Variants in CDKL5 observed in about 807,000 individuals in gnomAD.
CDKL5 encodes the protein cyclin-dependent kinase-like 5.
CDKL5 carries 8 observed loss-of-function variants against 61.7 expected under a neutral mutation model. That is an observed-to-expected ratio of 0.13 (90% CI 0.08 to 0.23). CDKL5 has a LOEUF of 0.23. Ranked by LOEUF, CDKL5 falls within the 10% of genes least tolerant of loss-of-function variation. The pLI is 1.00. For missense variants in CDKL5, 440 were observed against 734.5 expected, an observed-to-expected ratio of 0.60 and a Z score of 4.63; for synonymous variants, 275 against 272.3, an observed-to-expected ratio of 1.01 and a Z score of -0.10.
chrX:18,432,603 CTT>C (rs778402912), intron 1 of CDKL5, among the ~76,000 whole-genome samples: 16 of 89,941 alleles, frequency 1.8e-4, no homozygotes, highest in Middle Eastern at 5.6e-3. Flanking sequence ...TAAAAGATGT[CTT>C]TTTTTTTTTT....
chrX:18,641,857 TAAA>T (rs377648180), downstream of CDKL5: 7 of 451,677 alleles, frequency 1.5e-5, no homozygotes, highest in Non-Finnish European at 2.5e-5. Flanking sequence ...AGCTATATCT[TAAA>T]AAAAAAAAAA....
chrX:18,648,889 G>T (rs1927905685), intron 20 of CDKL5, among the ~76,000 whole-genome samples: 2 of 109,751 alleles, frequency 1.8e-5, no homozygotes, highest in Middle Eastern at 4.6e-3. Flanking sequence ...CCAGCCTGGG[G>T]CAACATAGGG....
At chrX:18,454,559 ATTTG>A (rs1279730190) in intron 1 of CDKL5, among the ~76,000 whole-genome samples, 6 of 96,179 alleles carry the variant, frequency 6.2e-5, no homozygotes, top group South Asian at 4.6e-4. Context: ...GATTACCAGT[ATTTG>A]TTTGTTTGTT....
At chrX:18,551,559 C>CATTACTATT (rs1924385749) in intron 3 of CDKL5, among the ~76,000 whole-genome samples, 1 of 80,977 alleles carries the variant, frequency 1.2e-5, no homozygotes, top group Non-Finnish European at 2.3e-5. Context: ...GATACCTTGA[C>CATTACTATT]ATTATTATTA....
chrX:18,571,431 G>A (rs1925132439), intron 4 of CDKL5, among the ~76,000 whole-genome samples: 1 of 111,158 alleles, frequency 9.0e-6, no homozygotes, highest in Non-Finnish European at 1.9e-5. Context: ...CTGGAGCCCA[G>A]CCTTGATAAA....
At chrX:18,604,948 T>C (rs1035397176) in intron 12 of CDKL5, 80 bp downstream of exon 12, 1 of 1,079,384 alleles carries the variant, frequency 9.3e-7, no homozygotes, top group Non-Finnish European at 1.3e-6. Flanking sequence ...GTCCATCTAC[T>C]ATTTTCCCTA....
chrX:18,491,433 A>G (rs1473860440), intron 1 of CDKL5, among the ~76,000 whole-genome samples: 6 of 111,760 alleles, frequency 5.4e-5, no homozygotes, highest in Non-Finnish European at 1.1e-4. Flanking sequence ...AAAGAAACCT[A>G]GGTTTCAGAA....
At chrX:18,564,642 G>T (rs1195597872) in intron 4 of CDKL5, 120 bp downstream of exon 4, 1 of 219,358 alleles carries the variant, frequency 4.6e-6, no homozygotes. Context: ...GTCTATTCCT[G>T]ATATTTTGAA....
Position 18,579,834 on chromosome X carries a change from T to C in CDKL5, c.283-14T>C, listed in dbSNP as rs776132140. On this transcript the variant is annotated splice_polypyrimidine_tract_variant and intron_variant, in intron 5 of 17. Coordinates refer to ENST00000623535, the MANE Select transcript of CDKL5 (RefSeq NM_001323289.2). Reference sequence around the variant, plus strand: ...TACCTAATTTGGGAAATAATGACTCTATTTAATTTTTAGAATATGCTCGAA... The same window carrying C: ...TACCTAATTTGGGAAATAATGACTCCATTTAATTTTTAGAATATGCTCGAA... 2.6e-5 allele frequency: 31 copies of C among 1,201,481 alleles called. No individual in the cohort carries two copies. In the East Asian group the frequency reaches 7.4e-4, roughly 29 times the overall value.
At chrX:18,584,881 C>T (rs1177379187) in intron 8 of CDKL5, among the ~76,000 whole-genome samples, 1 of 111,937 alleles carries the variant, frequency 8.9e-6, no homozygotes, top group East Asian at 2.8e-4. Flanking sequence ...TAAATTCCAT[C>T]TCTTGATGGG....
downstream of CDKL5, among the ~76,000 whole-genome samples, chrX:18,642,720 A>G (rs1429122769): frequency 8.9e-6 from 1 of 112,471 alleles, no homozygotes; most frequent in Non-Finnish European, 1.9e-5. Context: ...GTACCTTTCC[A>G]ACTTGGAAAA....
intron 1 of CDKL5, among the ~76,000 whole-genome samples, chrX:18,433,929 A>C (rs746147579): frequency 1.8e-5 from 2 of 112,593 alleles, no homozygotes; most frequent in East Asian, 5.6e-4. Flanking sequence ...TCCATGCCTA[A>C]TGCGCGTGTC....
At chrX:18,510,557 A>C (rs1308651692) in intron 2 of CDKL5, among the ~76,000 whole-genome samples, 2 of 112,690 alleles carry the variant, frequency 1.8e-5, no homozygotes, top group African/African-American at 3.2e-5. Context: ...GTAACCCTAC[A>C]TTTAAACGTA....
At chrX:18,474,873 T>A (rs1332845642) in intron 1 of CDKL5, among the ~76,000 whole-genome samples, 1 of 112,292 alleles carries the variant, frequency 8.9e-6, no homozygotes, top group South Asian at 3.6e-4. Context: ...AGTTAAATAG[T>A]ATTACCTTAA....
chrX:18,490,579 A>G (rs904119289), intron 1 of CDKL5, among the ~76,000 whole-genome samples: 4 of 111,712 alleles, frequency 3.6e-5, no homozygotes, highest in African/African-American at 9.7e-5. Context: ...CGGGAAAGCT[A>G]TAACTCAAAA....
At chrX:18,589,732 A>T (rs1569216014) in intron 9 of CDKL5, 1 of 112,145 alleles carries the variant, frequency 8.9e-6, no homozygotes, top group Non-Finnish European at 1.9e-5. Context: ...ACAATGGTTG[A>T]ACTAGTTTAC....
chrX:18,599,810 C>G (rs1926122180), intron 11 of CDKL5, among the ~76,000 whole-genome samples: 1 of 111,786 alleles, frequency 8.9e-6, no homozygotes, highest in Non-Finnish European at 1.9e-5. Flanking sequence ...TTCCCACCTG[C>G]AACCCCAAAT....
At chrX:18,566,816 A>G (rs1235379996) in intron 4 of CDKL5, among the ~76,000 whole-genome samples, 1 of 111,542 alleles carries the variant, frequency 9.0e-6, no homozygotes, top group Non-Finnish European at 1.9e-5. Flanking sequence ...CGTGGAAGAC[A>G]TTTGATCTGC....
Position 18,637,966 on chromosome X carries a change from GGTT to G in CDKL5, c.*9211_*9213del, listed in dbSNP as rs769680298. 30 of 111,642 alleles carry G rather than the reference GGTT, an allele frequency of 2.7e-4. No individual in the cohort carries two copies. Among genetic ancestry groups the G allele is most frequent in the Admixed American group, 2.7e-3 (28 of 10,474 alleles). 9.2% of individuals were successfully genotyped at this position (111,642 alleles called of 1,213,427 possible). On this transcript the variant is annotated 3_prime_UTR_variant, in exon 18 of 18. Transcript: ENST00000623535. ...TTTGATCTTCGTATCAGCCCTGTAA[GGTT>G]GGGCTTAAGAATGACCCAGCATGGA...
Sources: gnomAD v4.1 joint callset for allele counts (sites outside exome capture counted in the v4.1 genomes callset) on GRCh38, gnomAD v4.1.1 for gene constraint, MANE v1.5 for transcripts, NCBI Gene and HGNC (gene_info 2026-07-23, HGNC 2026-07-21) for gene names.